The following GAS6 variants were observed in gnomAD, a reference collection of about 807,000 sequenced individuals.
The protein encoded by GAS6 is growth arrest specific 6, also known as growth arrest-specific protein 6.
GAS6 carries 41 observed loss-of-function variants against 75.8 expected under a neutral mutation model. The ratio of observed to expected loss-of-function variants is 0.54; its 90% CI spans 0.42 to 0.70. The LOEUF (loss-of-function observed/expected upper bound fraction) is 0.70. Among genes scored for constraint, GAS6 ranks in the 30% least tolerant of loss-of-function variants. GAS6 has a pLI of 0.00. For synonymous variants in GAS6, 432 were observed against 412.6 expected (o/e 1.05, Z -0.57); for missense variants, 854 against 940.2 (o/e 0.91, Z 1.20).
At position 113,863,959 on chromosome 13, in the gene GAS6, C is replaced by T; in HGVS notation, c.-39G>A. On this transcript the variant is annotated 5_prime_UTR_variant, in exon 1 of 15. Transcript: ENST00000327773. This position sits in a 1 kb window ranked among gnomAD's most constrained non-coding sequence, Gnocchi z 9.4. ...CGCGCGGTCAGAGCGCCCGGGAGGCCGAGGCGAGCCGCGGGCGCCGCGGGG... is the reference window on the plus strand; with the variant it reads ...CGCGCGGTCAGAGCGCCCGGGAGGCTGAGGCGAGCCGCGGGCGCCGCGGGG... 9.5e-7 allele frequency: 1 copy of T among 1,051,546 alleles called. No individual in the cohort carries two copies. Among genetic ancestry groups the T allele is most frequent in the Non-Finnish European group, 1.1e-6 (1 of 875,106 alleles). 65.1% of individuals were successfully genotyped at this position (1,051,546 alleles called of 1,614,324 possible).
At chr13:113,847,228 T>C (rs2051841547) in intron 3 of GAS6, 2 of 260,580 alleles carry the variant, frequency 7.7e-6, no homozygotes, top group Non-Finnish European at 1.5e-5. Flanking sequence ...TGTGGACCGC[T>C]GGCCACCCCC....
intron 10 of GAS6, among the ~76,000 whole-genome samples, chr13:113,829,173 A>T (rs2051593896): frequency 2.1e-5 from 2 of 95,770 alleles, no homozygotes; most frequent in East Asian, 3.0e-4. Context: ...CCCTGAGCCA[A>T]GAGGGTCCCG....
At chr13:113,834,708 G>C (rs368355684) in intron 7 of GAS6, 36 bp from the exon 8 acceptor site, 2 of 1,491,942 alleles carry the variant, frequency 1.3e-6, no homozygotes, top group Non-Finnish European at 1.8e-6. Context: ...GAGCCGGGGA[G>C]GCCTCTACGC....
At position 113,828,492 on chromosome 13, in the gene GAS6, G is replaced by A. The variant is rs374024979; in HGVS notation, c.1308+55C>T. 2,006 of 1,559,462 alleles carry A rather than the reference G, an allele frequency of 1.3e-3. 33 individuals are homozygous for A. The South Asian group carries it at 0.022, about 17-fold the overall frequency. On this transcript the variant is annotated intron_variant, in intron 11 of 14. Coordinates refer to ENST00000327773, the MANE Select transcript of GAS6 (RefSeq NM_000820.4). The stretch of plus-strand genomic sequence containing the variant: ...GGTGTGACTGAGGCTTCCTGACACC[G>A]TTCCCGGGATCCCAGCACACGGCGC...
rs1223100609 is a variant in GAS6 at position 113,833,639 on chromosome 13, A to G, written c.835-887T>C. 136 of 979,124 alleles carry G rather than the reference A, an allele frequency of 1.4e-4. No homozygotes were observed. In the East Asian group the frequency reaches 8.3e-3, roughly 60 times the overall value. 60.7% of individuals were successfully genotyped at this position (979,124 alleles called of 1,614,324 possible). ...GTGACAGGTCGGTGTGACAGGCACC[A>G]GTGTGACAGGCACCAGTGTGACAGG... On this transcript the variant is annotated intron_variant, in intron 8 of 14. Transcript: ENST00000327773.
chr13:113,821,788 A>C (rs1265443860), intron 14 of GAS6, 170 bp downstream of exon 14: 6 of 589,258 alleles, frequency 1.0e-5, no homozygotes, highest in Non-Finnish European at 1.5e-5. Context: ...GCACCGAGAC[A>C]CCATAATAGC....
At chr13:113,835,110 C>T (rs2051685482) in intron 7 of GAS6, among the ~76,000 whole-genome samples, 1 of 152,244 alleles carries the variant, frequency 6.6e-6, no homozygotes, top group Non-Finnish European at 1.5e-5. Flanking sequence ...CCACTGTTCC[C>T]ATCACTGGGG....
intron 2 of GAS6, among the ~76,000 whole-genome samples, chr13:113,849,795 T>C (rs1318357612): frequency 6.6e-6 from 1 of 152,226 alleles, no homozygotes; most frequent in East Asian, 1.9e-4. Flanking sequence ...ACCACAGGGT[T>C]ATAGCCCTGG....
At chr13:113,825,602 C>G (rs1385610523) in intron 12 of GAS6, among the ~76,000 whole-genome samples, 1 of 152,164 alleles carries the variant, frequency 6.6e-6, no homozygotes, top group African/African-American at 2.4e-5. Context: ...GTGATGCCTG[C>G]ATAAGGTTAC....
chr13:113,859,260 G>A (rs111068251), intron 2 of GAS6, among the ~76,000 whole-genome samples: 11,730 of 151,278 alleles, frequency 0.078, 545 homozygotes, highest in African/African-American at 0.14. Context: ...GCATGTCTGT[G>A]TGACTGTGTA....
At chr13:113,834,695 G>A (rs371122730) in intron 7 of GAS6, 23 bp from the exon 8 acceptor site, 69 of 1,517,208 alleles carry the variant, frequency 4.5e-5, no homozygotes, top group Middle Eastern at 3.5e-4. Flanking sequence ...GGGAAGCGGC[G>A]GTGAGCCGGG....
intron 2 of GAS6, among the ~76,000 whole-genome samples, chr13:113,860,993 C>T (rs2138669395): frequency 6.7e-6 from 1 of 150,186 alleles, no homozygotes; most frequent in Admixed American, 6.6e-5. Context: ...CAGGTGGGCA[C>T]AGAGGTTAGC....
chr13:113,846,533 C>G lies in GAS6; in HGVS notation c.337G>C (p.Val113Leu), dbSNP rs748222907. Residue 113 changes from valine to leucine, a missense_variant, in exon 4 of 15, where the codon GTG becomes CTG. Val to Leu is a conservative substitution (Grantham distance 32). Coordinates refer to ENST00000327773, the MANE Select transcript of GAS6 (RefSeq NM_000820.4). ...GCAAAGGAGGCCGACTTACTTTGCA[C>G]GCAGGTGGCGAAGCCTGAGTTTTTG... Reference protein sequence around the residue: ...YTKNSGFATCVQNLPDQCTPN... With the variant: ...YTKNSGFATCLQNLPDQCTPN... 1.9e-6 allele frequency: 3 copies of G among 1,614,024 alleles called. No homozygotes were observed. Among genetic ancestry groups the G allele is most frequent in the East Asian group, 2.2e-5 (1 of 44,886 alleles).
chr13:113,827,272 G>T, intron 11 of GAS6, 108 bp from the exon 12 acceptor site: 2 of 1,061,304 alleles, frequency 1.9e-6, no homozygotes, highest in East Asian at 2.4e-5. Flanking sequence ...GCAGCTCTAC[G>T]GCAGAAACGG....
At chr13:113,855,465 AC>A (rs2051907067) in intron 2 of GAS6, among the ~76,000 whole-genome samples, 1 of 152,224 alleles carries the variant, frequency 6.6e-6, no homozygotes, top group Admixed American at 6.5e-5. Context: ...TTCCCGGCTT[AC>A]AAATGGGGAG....
intron 2 of GAS6, among the ~76,000 whole-genome samples, chr13:113,851,507 G>T (rs960341911): frequency 2.0e-5 from 3 of 151,950 alleles, no homozygotes; most frequent in Non-Finnish European, 4.4e-5. Flanking sequence ...ATAGGTGGGT[G>T]GGTGAGTGGG....
At position 113,837,609 on chromosome 13, in the gene GAS6, C is replaced by T. The variant is rs1376977721; in HGVS notation, c.589+460G>A. ...GGCCCTGGGCTGAGGGAACCCCAGA[C>T]TGAAATATGAAAGGAAGTGGGGAGG... On this transcript the variant is annotated intron_variant, in intron 6 of 14. Coordinates refer to ENST00000327773, the MANE Select transcript of GAS6 (RefSeq NM_000820.4). This position sits in a 1 kb window ranked among gnomAD's most constrained non-coding sequence, Gnocchi z 5.1. Among the ~76,000 whole-genome samples the T allele has an allele frequency of 1.3e-5, 2 of 152,124 alleles. No individual in the cohort carries two copies. The highest frequency in any genetic ancestry group is 6.5e-5 in the Admixed American group (1 of 15,278).
At chr13:113,854,146 C>A (rs991111320) in intron 2 of GAS6, among the ~76,000 whole-genome samples, 16 of 152,236 alleles carry the variant, frequency 1.1e-4, no homozygotes, top group African/African-American at 3.4e-4. Flanking sequence ...CCCTCCCTTG[C>A]TGGGAGCCCT....
intron 2 of GAS6, among the ~76,000 whole-genome samples, chr13:113,853,841 C>T (rs1175172048): frequency 3.3e-5 from 5 of 152,322 alleles, no homozygotes; most frequent in Non-Finnish European, 7.4e-5. Flanking sequence ...CCTGGCAGCC[C>T]GGCTCTATTC....
Sources: allele counts gnomAD v4.1 joint callset (sites outside exome capture counted in the v4.1 genomes callset), GRCh38; gene constraint gnomAD v4.1.1; non-coding constraint Gnocchi (gnomAD v3.1); transcripts MANE v1.5; gene names NCBI Gene and HGNC (gene_info 2026-07-23, HGNC 2026-07-21).